Variants in CNTN5 observed in about 807,000 individuals in gnomAD.
The protein encoded by CNTN5 is contactin-5.
A neutral mutation model predicts 129.1 loss-of-function variants in CNTN5; 77 were observed. The observed-to-expected ratio is 0.60, with a 90% CI of 0.50 to 0.72. The LOEUF is 0.72. Among genes scored for constraint, CNTN5 ranks in the 30% least tolerant of loss-of-function variants. CNTN5 has a pLI of 0.00. For missense variants in CNTN5, 1,478 were observed against 1,328.8 expected, an observed-to-expected ratio of 1.11 and a Z score of -1.75; for synonymous variants, 509 against 465.6, an observed-to-expected ratio of 1.09 and a Z score of -1.20.
chr11:99,582,176 A>G (rs1178759383), intron 3 of CNTN5, among the ~76,000 whole-genome samples: 1 of 152,108 alleles, frequency 6.6e-6, no homozygotes, highest in Non-Finnish European at 1.5e-5. Context: ...TTGCTTGTAG[A>G]GTTTCTGCCG....
chr11:100,186,375 A>C (rs1948301903), intron 13 of CNTN5, among the ~76,000 whole-genome samples: 1 of 152,144 alleles, frequency 6.6e-6, no homozygotes, highest in Non-Finnish European at 1.5e-5. Flanking sequence ...ACCTTGTCTC[A>C]AAAATAAATA....
intron 2 of CNTN5, among the ~76,000 whole-genome samples, chr11:99,425,675 C>A (rs1943088632): frequency 6.6e-6 from 1 of 152,252 alleles, no homozygotes; most frequent in Non-Finnish European, 1.5e-5. Flanking sequence ...CACTTAGGAG[C>A]TTTCAAGGGC....
chr11:99,516,875 T>G (rs1473235574), intron 2 of CNTN5, among the ~76,000 whole-genome samples: 1 of 152,152 alleles, frequency 6.6e-6, no homozygotes, highest in Non-Finnish European at 1.5e-5. Flanking sequence ...TAGGTGTCAT[T>G]TTGTAAGGGA....
intron 1 of CNTN5, among the ~76,000 whole-genome samples, chr11:99,227,468 C>T (rs73532942): frequency 0.016 from 2,495 of 152,014 alleles, 81 homozygotes; most frequent in African/African-American, 0.057. Context: ...AAGCTAAAAA[C>T]TCTTCAACTC....
chr11:99,277,973 T>C (rs1380297531), intron 1 of CNTN5, among the ~76,000 whole-genome samples: 7 of 151,696 alleles, frequency 4.6e-5, no homozygotes, highest in Admixed American at 3.3e-4. Context: ...TTGAGGTCAA[T>C]TTTTCATAGA....
At chr11:100,039,483 T>G (rs973268778) in intron 9 of CNTN5, among the ~76,000 whole-genome samples, 15 of 152,178 alleles carry the variant, frequency 9.9e-5, no homozygotes, top group Non-Finnish European at 1.9e-4. Context: ...CTTTATGGCA[T>G]TCTCTGTATT....
chr11:100,294,062 C>T (rs1398450692), intron 18 of CNTN5, among the ~76,000 whole-genome samples: 1 of 151,560 alleles, frequency 6.6e-6, no homozygotes, highest in Non-Finnish European at 1.5e-5. Context: ...CCTTTCTTTC[C>T]AAACCAATTG....
intron 13 of CNTN5, among the ~76,000 whole-genome samples, chr11:100,178,222 T>G (rs1257727986): frequency 1.3e-5 from 2 of 152,156 alleles, no homozygotes; most frequent in Non-Finnish European, 2.9e-5. Flanking sequence ...CCAAACGTTA[T>G]TAACTCGTTT....
intron 4 of CNTN5, among the ~76,000 whole-genome samples, chr11:99,844,413 CTAA>C (rs1196848605): frequency 6.6e-6 from 1 of 152,084 alleles, no homozygotes; most frequent in African/African-American, 2.4e-5. Flanking sequence ...TGCAAGAGGA[CTAA>C]TATTTTCATA....
At chr11:99,537,605 A>G (rs1390664870) in intron 2 of CNTN5, among the ~76,000 whole-genome samples, 1 of 152,144 alleles carries the variant, frequency 6.6e-6, no homozygotes, top group Non-Finnish European at 1.5e-5. Flanking sequence ...TAAAAATACA[A>G]CAGTAAGTAC....
chr11:99,332,943 T>C (rs962471889), intron 2 of CNTN5, among the ~76,000 whole-genome samples: 1 of 152,078 alleles, frequency 6.6e-6, no homozygotes, highest in Non-Finnish European at 1.5e-5. Flanking sequence ...TTTTCCTTTG[T>C]AAATAAAGTT....
intron 3 of CNTN5, among the ~76,000 whole-genome samples, chr11:99,625,865 A>G (rs1951108425): frequency 6.6e-6 from 1 of 151,726 alleles, no homozygotes; most frequent in African/African-American, 2.4e-5. Flanking sequence ...TATGATCTTT[A>G]TGTCAAGTCT....
At chr11:99,806,405 A>G (rs78712456) in intron 3 of CNTN5, among the ~76,000 whole-genome samples, 5,171 of 152,296 alleles carry the variant, frequency 0.034, 133 homozygotes, top group South Asian at 0.1. Context: ...GGAAGAAAGT[A>G]AATATATAAA....
intron 3 of CNTN5, among the ~76,000 whole-genome samples, chr11:99,799,004 G>C (rs1222736326): frequency 5.9e-5 from 9 of 152,016 alleles, no homozygotes; most frequent in African/African-American, 2.2e-4. Context: ...ATATTCCTAG[G>C]TATTTTATTT....
At chr11:99,495,299 C>T (rs1282994243) in intron 2 of CNTN5, among the ~76,000 whole-genome samples, 1 of 152,128 alleles carries the variant, frequency 6.6e-6, no homozygotes, top group Non-Finnish European at 1.5e-5. Context: ...ACCCTGGAGG[C>T]GGAGGCTGTA....
chr11:100,028,389 T>G (rs1409195454), intron 9 of CNTN5, among the ~76,000 whole-genome samples: 1 of 152,180 alleles, frequency 6.6e-6, no homozygotes, highest in Non-Finnish European at 1.5e-5. Context: ...TTTTCAAAAT[T>G]AGGAAAGTAG....
intron 2 of CNTN5, among the ~76,000 whole-genome samples, chr11:99,504,102 G>A (rs1261050252): frequency 6.6e-6 from 1 of 152,074 alleles, no homozygotes; most frequent in Non-Finnish European, 1.5e-5. Flanking sequence ...TGGTGAACAG[G>A]GGCTGCACAG....
chr11:99,492,557 TTTA>T (rs1250557040), intron 2 of CNTN5, among the ~76,000 whole-genome samples: 2 of 152,136 alleles, frequency 1.3e-5, no homozygotes, highest in Non-Finnish European at 2.9e-5. Context: ...GAGAATCTAG[TTTA>T]TTATTACTAT....
At chr11:99,197,777 C>A (rs1486045711) in intron 1 of CNTN5, among the ~76,000 whole-genome samples, 1 of 152,012 alleles carries the variant, frequency 6.6e-6, no homozygotes, top group East Asian at 1.9e-4. Flanking sequence ...CCAATTCTAC[C>A]ATTTAACTAT....
Sources: allele counts gnomAD v4.1 joint callset (sites outside exome capture counted in the v4.1 genomes callset), GRCh38; gene constraint gnomAD v4.1.1; transcripts MANE v1.5; gene names NCBI Gene and HGNC (gene_info 2026-07-23, HGNC 2026-07-21).